Variants in FAM120A observed in about 807,000 individuals in gnomAD.
The protein encoded by FAM120A is family with sequence similarity 120 member A.
A neutral mutation model predicts 109.7 loss-of-function variants in FAM120A; 15 were observed. The observed-to-expected ratio is 0.14, with a 90% CI of 0.09 to 0.21. The LOEUF (loss-of-function observed/expected upper bound fraction) is 0.21, where lower values mean the gene tolerates loss of function less well. FAM120A is among the 10% of genes least tolerant of loss of function. FAM120A has a pLI of 1.00. For missense variants in FAM120A, 899 were observed against 1,439.3 expected (o/e 0.62, Z 6.07); for synonymous variants, 493 against 572.8 (o/e 0.86, Z 1.99).
chr9:93,535,676 C>A (rs1186016745), intron 10 of FAM120A, among the ~76,000 whole-genome samples: 1 of 152,122 alleles, frequency 6.6e-6, no homozygotes, highest in African/African-American at 2.4e-5. Context: ...GCGTTAGTTA[C>A]ATTCAAGAGG....
intron 9 of FAM120A, among the ~76,000 whole-genome samples, 199 bp from the exon 10 acceptor site, chr9:93,531,956 T>C (rs1861346531): frequency 6.6e-6 from 1 of 152,228 alleles, no homozygotes; most frequent in Non-Finnish European, 1.5e-5. Flanking sequence ...TTTATTTTGA[T>C]TCTTTGAGCA....
chr9:93,505,335 C>T (rs1859999130), intron 5 of FAM120A, among the ~76,000 whole-genome samples: 1 of 152,106 alleles, frequency 6.6e-6, no homozygotes, highest in South Asian at 2.1e-4. Flanking sequence ...GCTGGGATTA[C>T]AGGCGTGAGC....
At chr9:93,545,967 G>A (rs1048456861) in intron 11 of FAM120A, among the ~76,000 whole-genome samples, 3 of 151,412 alleles carry the variant, frequency 2.0e-5, no homozygotes, top group South Asian at 4.2e-4. Context: ...TGTATTTTTC[G>A]TAGAGATGGA....
intron 7 of FAM120A, among the ~76,000 whole-genome samples, chr9:93,524,515 A>G (rs1488447489): frequency 6.6e-6 from 1 of 152,230 alleles, no homozygotes; most frequent in Non-Finnish European, 1.5e-5. Context: ...CACCTCTCTG[A>G]CAGCCTGTGA....
In FAM120A at chr9:93,476,301, G is replaced by A. The variant is rs1315102972; in HGVS notation, c.767G>A (p.Ser256Asn). The change falls in exon 3 of 18, where the codon AGT (serine) becomes AAT (asparagine). Residue 256 changes from serine (S) to asparagine (N), a missense_variant. By Grantham distance (46) the Ser-to-Asn change is conservative. Coordinates refer to ENST00000277165, the MANE Select transcript of FAM120A (RefSeq NM_014612.5). ...GAAGATCTGGCTTCCTTTCACTGGAGTTTACTTGGTCCAGAACATCCACTA... is the reference window on the plus strand; with the variant it reads ...GAAGATCTGGCTTCCTTTCACTGGAATTTACTTGGTCCAGAACATCCACTA... The part of the protein sequence containing the change: ...PDEDLASFHW[S>N]LLGPEHPLAS... The A allele has an allele frequency of 2.2e-5, 36 of 1,609,730 alleles. No homozygotes were observed. The highest frequency in any genetic ancestry group is 3.3e-5 in the Admixed American group (2 of 59,926).
intron 5 of FAM120A, among the ~76,000 whole-genome samples, chr9:93,509,246 C>G (rs1466100680): frequency 6.6e-6 from 1 of 152,256 alleles, no homozygotes; most frequent in East Asian, 1.9e-4. Context: ...CCCACCTGGA[C>G]CCACCCAGTG....
chr9:93,491,562 A>G (rs1309845134), intron 3 of FAM120A, among the ~76,000 whole-genome samples: 1 of 152,216 alleles, frequency 6.6e-6, no homozygotes, highest in Non-Finnish European at 1.5e-5. Context: ...GTATCTATTT[A>G]TTATTTAATG....
chr9:93,539,999 A>G (rs553151922), intron 10 of FAM120A, among the ~76,000 whole-genome samples: 38 of 152,332 alleles, frequency 2.5e-4, no homozygotes, highest in African/African-American at 8.4e-4. Flanking sequence ...TGATGTGTAA[A>G]ATGTGAGTTC....
At chr9:93,543,806 GTTC>G (rs1861790424) in intron 11 of FAM120A, among the ~76,000 whole-genome samples, 1 of 152,044 alleles carries the variant, frequency 6.6e-6, no homozygotes, top group African/African-American at 2.4e-5. Context: ...ATTATTTGGA[GTTC>G]TTCTGTAGGG....
chr9:93,470,104 G>T (rs1858241933), intron 1 of FAM120A, among the ~76,000 whole-genome samples: 1 of 152,166 alleles, frequency 6.6e-6, no homozygotes, highest in African/African-American at 2.4e-5. Context: ...AAAACTTGGG[G>T]TTAAGGGTGG....
At chr9:93,469,086 T>C (rs1267711517) in intron 1 of FAM120A, among the ~76,000 whole-genome samples, 1 of 152,224 alleles carries the variant, frequency 6.6e-6, no homozygotes, top group Non-Finnish European at 1.5e-5. Context: ...TTGGAGGTCC[T>C]GCCCAGGGCC....
At position 93,524,614 on chromosome 9, in the gene FAM120A, C is replaced by G. The variant is rs138291085; in HGVS notation, c.1419-2541C>G. On this transcript the variant is annotated intron_variant, in intron 7 of 17. Transcript: ENST00000277165. Reference sequence around the variant, plus strand: ...CTGTTGCTTGTGTGCTGCATTCTCACATATGTGTGAAACTGTCTGTAGCGT... The same window carrying G: ...CTGTTGCTTGTGTGCTGCATTCTCAGATATGTGTGAAACTGTCTGTAGCGT... Among the ~76,000 whole-genome samples, 6 of 152,328 alleles carry G rather than the reference C, an allele frequency of 3.9e-5. No individual in the cohort carries two copies. In the East Asian group the frequency reaches 1.2e-3, roughly 29 times the overall value.
intron 7 of FAM120A, among the ~76,000 whole-genome samples, chr9:93,518,464 G>A (rs1163495585): frequency 1.3e-5 from 2 of 152,164 alleles, no homozygotes; most frequent in East Asian, 3.9e-4. Context: ...ATTGAATGAG[G>A]ACCCCGGGAC....
intron 7 of FAM120A, among the ~76,000 whole-genome samples, chr9:93,518,783 C>T (rs909352300): frequency 2.0e-5 from 3 of 152,202 alleles, no homozygotes; most frequent in African/African-American, 7.2e-5. Context: ...CAGGGCTGGG[C>T]CGTGCACAGC....
intron 7 of FAM120A, among the ~76,000 whole-genome samples, chr9:93,520,823 C>T (rs1179699895): frequency 6.6e-6 from 1 of 152,246 alleles, no homozygotes; most frequent in Non-Finnish European, 1.5e-5. Context: ...ACACAGATGG[C>T]AGCAGATCAG....
intron 1 of FAM120A, among the ~76,000 whole-genome samples, chr9:93,458,157 C>T (rs770431988): frequency 2.6e-5 from 4 of 151,540 alleles, no homozygotes; most frequent in South Asian, 2.1e-4. Flanking sequence ...TCACCTCTCT[C>T]ATCTGGCATC....
At chr9:93,544,184 T>C (rs139519631) in intron 11 of FAM120A, among the ~76,000 whole-genome samples, 14 of 152,350 alleles carry the variant, frequency 9.2e-5, no homozygotes, top group African/African-American at 3.1e-4. Flanking sequence ...CGGCTTATCC[T>C]TGGGAGCTGT....
intron 2 of FAM120A, among the ~76,000 whole-genome samples, chr9:93,472,121 A>C (rs1267717387): frequency 6.6e-6 from 1 of 152,084 alleles, no homozygotes; most frequent in African/African-American, 2.4e-5. Flanking sequence ...TTAGCCGGGC[A>C]TGGTGGTGGG....
chr9:93,465,492 G>A (rs1857976567), intron 1 of FAM120A, among the ~76,000 whole-genome samples: 1 of 151,950 alleles, frequency 6.6e-6, no homozygotes, highest in Admixed American at 6.6e-5. Context: ...TATTTTTCAC[G>A]TGCCTGTTAT....
Sources: allele counts gnomAD v4.1 joint callset (sites outside exome capture counted in the v4.1 genomes callset), GRCh38; gene constraint gnomAD v4.1.1; transcripts MANE v1.5; gene names NCBI Gene and HGNC (gene_info 2026-07-23, HGNC 2026-07-21).